The following BPHL variants were observed in gnomAD, a reference collection of about 807,000 sequenced individuals.
BPHL encodes biphenyl hydrolase like.
A neutral mutation model predicts 31.2 loss-of-function variants in BPHL; 27 were observed. The observed-to-expected ratio is 0.87, with a 90% CI of 0.64 to 1.19. The LOEUF (loss-of-function observed/expected upper bound fraction) is 1.19, where lower values mean the gene tolerates loss of function less well. Among genes scored for constraint, BPHL ranks in the 50% most tolerant of loss-of-function variants. The probability of loss-of-function intolerance (pLI) is 0.00; values close to 1 mark genes in which losing one functional copy is unlikely to be tolerated. For missense variants in BPHL, 356 were observed against 375.7 expected (o/e 0.95, Z 0.43); for synonymous variants, 150 against 146.8 (o/e 1.02, Z -0.16).
chr6:3,153,490 C>A lies in BPHL; in HGVS notation c.*915C>A. The A allele has an allele frequency of 2.9e-6, 1 of 341,582 alleles. No individual in the cohort carries two copies. The highest frequency in any genetic ancestry group is 3.1e-5 in the South Asian group (1 of 32,502). The allele number at this position is 341,582 out of a possible 1,614,324, so 21.2% of individuals were successfully genotyped here. On this transcript the variant is annotated 3_prime_UTR_variant, in exon 7 of 7. Coordinates refer to ENST00000380379, the MANE Select transcript of BPHL (RefSeq NM_004332.4). ...AAATATGTATTTTCATCACTCTGTA[C>A]TAAAAGGACAGGAATGTTATTAATT... is the stretch of plus-strand genomic sequence containing the variant.
chr6:3,141,035 C>G (rs1409574813), intron 6 of BPHL, among the ~76,000 whole-genome samples: 1 of 152,228 alleles, frequency 6.6e-6, no homozygotes, highest in Non-Finnish European at 1.5e-5. Flanking sequence ...CTGCTCCCTT[C>G]TCGCTCTGTT....
rs117714055 is a variant in BPHL at position 3,147,415 on chromosome 6, C to T, written c.789-5073C>T. 7.6e-4 allele frequency among the ~76,000 whole-genome samples: 115 copies of T among 152,258 alleles called. 4 individuals are homozygous for T. In the East Asian group the frequency reaches 0.019, roughly 26 times the overall value. On this transcript the variant is annotated intron_variant, in intron 6 of 6. Transcript: ENST00000380379. ...GCAAGTTGCCATCTGTTCCAACTTTCAGCACCATTATTATTTGTGTTATTT... is the reference window on the plus strand; with the variant it reads ...GCAAGTTGCCATCTGTTCCAACTTTTAGCACCATTATTATTTGTGTTATTT...
intron 5 of BPHL, chr6:3,138,957 T>C (rs1762089978): frequency 6.6e-6 from 1 of 152,290 alleles, no homozygotes; most frequent in Non-Finnish European, 1.5e-5. Context: ...ACTCATTTGG[T>C]AGGAGCCCTC....
intron 6 of BPHL, among the ~76,000 whole-genome samples, chr6:3,143,290 T>TA (rs1391873452): frequency 1.3e-5 from 2 of 152,124 alleles, no homozygotes; most frequent in Non-Finnish European, 2.9e-5. Flanking sequence ...TACCAAGAAA[T>TA]ACAGATTATG....
chr6:3,120,933 A>G (rs1761552778), intron 1 of BPHL, among the ~76,000 whole-genome samples: 1 of 152,190 alleles, frequency 6.6e-6, no homozygotes, highest in Non-Finnish European at 1.5e-5. Context: ...CTGTTCAGCC[A>G]TGAGGTTAGA....
chr6:3,118,749 T>C lies in BPHL; in HGVS notation c.9T>C (p.Ala3=). Residue 3 remains alanine, a synonymous_variant, in exon 1 of 7, where the codon GCT becomes GCC. Transcript: ENST00000380379. ...CTACGCGACCTGTGACCATGGTGGCTGTGCTGGGCGGCCGGGGCGTGTTGC... is the reference window on the plus strand; with the variant it reads ...CTACGCGACCTGTGACCATGGTGGCCGTGCTGGGCGGCCGGGGCGTGTTGC... The part of the protein sequence containing the change: MV[A]VLGGRGVLRL... 1 of 1,260,310 alleles carries C rather than the reference T, an allele frequency of 7.9e-7. No homozygotes were observed. The highest frequency in any genetic ancestry group is 1.0e-6 in the Non-Finnish European group (1 of 998,680). The allele number at this position is 1,260,310 out of a possible 1,614,324, so 78.1% of individuals were successfully genotyped here. A position where few individuals can be genotyped will look rare whatever the true frequency, so the allele number is the denominator to read the frequency against.
chr6:3,138,677 C>T (rs1222375901), intron 5 of BPHL: 1 of 152,150 alleles, frequency 6.6e-6, no homozygotes, highest in East Asian at 1.9e-4. Flanking sequence ...GCAGCATCCA[C>T]CCATGGAGAC....
chr6:3,123,610 T>A (rs1178723274), intron 1 of BPHL, 47 bp from the exon 2 acceptor site: 2 of 1,535,936 alleles, frequency 1.3e-6, no homozygotes, highest in Non-Finnish European at 1.8e-6. Context: ...TAAGAAATCT[T>A]CCCATCTCCC....
At position 3,120,991 on chromosome 6, in the gene BPHL, A is replaced by G. The variant is rs563877859; in HGVS notation, c.107+2144A>G. ...TCTAATGGCCCCGTGGCCACTTCCT[A>G]GCTCTGTGAGTGTGGGCAGATTGTT... On this transcript the variant is annotated intron_variant, in intron 1 of 6. Coordinates refer to ENST00000380379, the MANE Select transcript of BPHL (RefSeq NM_004332.4). 6.6e-5 allele frequency among the ~76,000 whole-genome samples: 10 copies of G among 152,310 alleles called. No homozygotes were observed. In the East Asian group the frequency reaches 1.9e-3, roughly 29 times the overall value.
intron 1 of BPHL, among the ~76,000 whole-genome samples, chr6:3,121,573 G>T (rs563862735): frequency 3.3e-5 from 5 of 152,016 alleles, no homozygotes; most frequent in Non-Finnish European, 1.5e-5. Flanking sequence ...CACCTGGGCC[G>T]CCCAAAGTAT....
chr6:3,134,095 A>T (rs1207596869), intron 4 of BPHL, among the ~76,000 whole-genome samples: 3 of 152,160 alleles, frequency 2.0e-5, no homozygotes, highest in Non-Finnish European at 4.4e-5. Flanking sequence ...GTGTTTATCC[A>T]CCATTTGAGT....
rs929709468 is a variant in BPHL, at chr6:3,140,327, C to T, written c.665-59C>T. 1.5e-5 allele frequency: 24 copies of T among 1,598,772 alleles called. No homozygotes were observed. The highest frequency in any genetic ancestry group is 1.9e-5 in the Non-Finnish European group (22 of 1,170,426). ...GGGCAGGGCTCGCCGAGTTTCGCCT[C>T]CTCTGACCGCGTAGAATGGTTGCAC... On this transcript the variant is annotated intron_variant, in intron 5 of 6. Transcript: ENST00000380379. This position sits in a 1 kb window ranked among gnomAD's most constrained non-coding sequence, Gnocchi z 5.2.
At chr6:3,139,871 C>T (rs1415871826) in intron 5 of BPHL, 2 of 154,196 alleles carry the variant, frequency 1.3e-5, no homozygotes, top group Non-Finnish European at 2.9e-5. Flanking sequence ...TACAGTCTCT[C>T]CAAAGTATGT....
chr6:3,146,896 C>T (rs967907361), intron 6 of BPHL, among the ~76,000 whole-genome samples: 6 of 151,226 alleles, frequency 4.0e-5, no homozygotes, highest in South Asian at 2.1e-4. Flanking sequence ...AGTGCTGGTT[C>T]GGGTTGGAGT....
chr6:3,130,867 C>T (rs1012939730), intron 4 of BPHL, among the ~76,000 whole-genome samples: 4 of 152,104 alleles, frequency 2.6e-5, no homozygotes, highest in African/African-American at 7.2e-5. Context: ...GAAGCTCTTA[C>T]GGTGAGTCTG....
chr6:3,145,561 T>TCCAGC (rs1762317529), intron 6 of BPHL, among the ~76,000 whole-genome samples: 1 of 51,496 alleles, frequency 1.9e-5, no homozygotes. Context: ...CTGGTGTGGG[T>TCCAGC]TGGAGTGCTG....
intron 4 of BPHL, among the ~76,000 whole-genome samples, chr6:3,132,796 A>G (rs902274703): frequency 6.6e-6 from 1 of 152,180 alleles, no homozygotes; most frequent in African/African-American, 2.4e-5. Context: ...ACACCACTGC[A>G]CTGTAGCTTG....
chr6:3,135,604 C>A (rs1205467545), intron 4 of BPHL, among the ~76,000 whole-genome samples: 4 of 152,194 alleles, frequency 2.6e-5, no homozygotes, highest in Admixed American at 6.5e-5. Flanking sequence ...CATTCTTATT[C>A]TCTTCTTCTG....
At chr6:3,129,866 G>A (rs955749352) in intron 4 of BPHL, among the ~76,000 whole-genome samples, 4 of 146,850 alleles carry the variant, frequency 2.7e-5, no homozygotes, top group Admixed American at 6.9e-5. Context: ...GAGTGCAGTC[G>A]TGCGATCTCA....
Sources: gnomAD v4.1 joint callset for allele counts (sites outside exome capture counted in the v4.1 genomes callset) on GRCh38, gnomAD v4.1.1 for gene constraint, Gnocchi (gnomAD v3.1) non-coding constraint, MANE v1.5 for transcripts, NCBI Gene and HGNC (gene_info 2026-07-23, HGNC 2026-07-21) for gene names.